The following SLC30A6 variants were observed in gnomAD, a reference collection of about 807,000 sequenced individuals.
SLC30A6 encodes solute carrier family 30 member 6.
In SLC30A6, 55 loss-of-function variants were observed where a neutral mutation model predicts 63.0. That is an observed-to-expected ratio of 0.87 (90% CI 0.70 to 1.09). SLC30A6 has a LOEUF of 1.09. Among genes scored for constraint, SLC30A6 ranks in the 50% least tolerant of loss-of-function variants. The pLI is 0.00. For missense variants in SLC30A6, 587 were observed against 549.2 expected, an observed-to-expected ratio of 1.07 and a Z score of -0.69; for synonymous variants, 224 against 186.1, an observed-to-expected ratio of 1.20 and a Z score of -1.66.
chr2:32,197,974 A>C, intron 10 of SLC30A6, 148 bp downstream of exon 10: 1 of 912,978 alleles, frequency 1.1e-6, no homozygotes. Context: ...AGGTGTCTTC[A>C]TCTGAAAAAT....
intron 5 of SLC30A6, among the ~76,000 whole-genome samples, chr2:32,184,840 A>G (rs1682663067): frequency 6.6e-6 from 1 of 152,220 alleles, no homozygotes; most frequent in Non-Finnish European, 1.5e-5. Context: ...AAATGTTCAC[A>G]TTAAGTTTTT....
Position 32,174,050 on chromosome 2 carries a change from T to C in SLC30A6, c.91-13T>C, listed in dbSNP as rs746027103. 1 of 1,607,900 alleles carries C rather than the reference T, an allele frequency of 6.2e-7. No homozygotes were observed. Among genetic ancestry groups the C allele is most frequent in the African/African-American group, 1.3e-5 (1 of 74,722 alleles). Reference sequence around the variant, plus strand: ...CACTTCTGTACACATAAGAGTGATTTTTATTTTCACAGTCCTGGAAGATAC... The same window carrying C: ...CACTTCTGTACACATAAGAGTGATTCTTATTTTCACAGTCCTGGAAGATAC... On this transcript the variant is annotated splice_polypyrimidine_tract_variant and intron_variant, in intron 2 of 13. Transcript: ENST00000282587.
At chr2:32,178,560 C>A (rs532219790) in intron 4 of SLC30A6, among the ~76,000 whole-genome samples, 59 of 152,146 alleles carry the variant, frequency 3.9e-4, no homozygotes, top group Non-Finnish European at 7.6e-4. Context: ...GTAGTCCCAG[C>A]TACTCAGGAG....
chr2:32,187,127 A>T (rs1280100762), intron 5 of SLC30A6: 1 of 469,844 alleles, frequency 2.1e-6, no homozygotes, highest in Non-Finnish European at 4.4e-6. Flanking sequence ...ACCACTGAGG[A>T]CATTGTCATT....
intron 10 of SLC30A6, among the ~76,000 whole-genome samples, chr2:32,200,817 C>G (rs1400393322): frequency 7.1e-6 from 1 of 141,678 alleles, no homozygotes; most frequent in Non-Finnish European, 1.5e-5. Flanking sequence ...GAGAAACACC[C>G]AAGAATGATC....
chr2:32,176,963 G>C (rs1573255747), intron 4 of SLC30A6, among the ~76,000 whole-genome samples: 1 of 151,926 alleles, frequency 6.6e-6, no homozygotes, highest in Non-Finnish European at 1.5e-5. Flanking sequence ...AGTGGAGACG[G>C]GGTGTCGCCA....
At chr2:32,181,938 T>C (rs990159921) in intron 4 of SLC30A6, among the ~76,000 whole-genome samples, 42 of 148,494 alleles carry the variant, frequency 2.8e-4, no homozygotes, top group East Asian at 7.8e-4. Flanking sequence ...CTTTTCTTTT[T>C]TTTTTTTTTT....
At chr2:32,210,181 T>C (rs1443008552) in intron 13 of SLC30A6, among the ~76,000 whole-genome samples, 2 of 152,148 alleles carry the variant, frequency 1.3e-5, no homozygotes, top group African/African-American at 2.4e-5. Context: ...AAACTGCTGT[T>C]GATATTTTGG....
At chr2:32,190,460 A>C (rs1289162531) in intron 5 of SLC30A6, among the ~76,000 whole-genome samples, 2 of 34,490 alleles carry the variant, frequency 5.8e-5, no homozygotes, top group East Asian at 5.2e-4. Context: ...CTCCGTCTCA[A>C]AAAAAAAAAA....
At chr2:32,171,395 A>T (rs1362114159) in intron 2 of SLC30A6, 22 bp downstream of exon 2, 3 of 1,561,832 alleles carry the variant, frequency 1.9e-6, no homozygotes, top group Non-Finnish European at 2.6e-6. Flanking sequence ...CTTAACCCCA[A>T]TTTTAATTAT....
At chr2:32,194,445 A>T (rs1158264091) in intron 8 of SLC30A6, among the ~76,000 whole-genome samples, 1 of 152,152 alleles carries the variant, frequency 6.6e-6, no homozygotes, top group Non-Finnish European at 1.5e-5. Flanking sequence ...GCCAAACTTT[A>T]TTTCTTTGGA....
At chr2:32,218,522 TTTG>T (rs1685898918) in intron 13 of SLC30A6, among the ~76,000 whole-genome samples, 1 of 13,514 alleles carries the variant, frequency 7.4e-5, no homozygotes, top group South Asian at 1.0e-3. Flanking sequence ...GCTCTCCTCT[TTTG>T]TTTTGTTTTG....
At chr2:32,213,515 T>C (rs1013320937) in intron 13 of SLC30A6, among the ~76,000 whole-genome samples, 26 of 152,140 alleles carry the variant, frequency 1.7e-4, no homozygotes, top group Admixed American at 1.6e-3. Context: ...GTCAGTCAGA[T>C]GTGCTGTTGC....
At position 32,203,697 on chromosome 2, in the gene SLC30A6, C is replaced by A. The variant is rs1684491365; in HGVS notation, c.666-893C>A. On this transcript the variant is annotated intron_variant, in intron 10 of 13. Transcript: ENST00000282587. Reference sequence around the variant, plus strand: ...TCCTGAAAGGAAATGTGCGTGTTTGCTTTGATGTTCCTACAACTAAGTCAG... The same window carrying A: ...TCCTGAAAGGAAATGTGCGTGTTTGATTTGATGTTCCTACAACTAAGTCAG... The A allele has an allele frequency of 1.9e-6, 3 of 1,539,136 alleles. No individual in the cohort carries two copies. The African/African-American group carries it at 4.1e-5, about 21-fold the overall frequency.
In SLC30A6 at chr2:32,171,304, T is replaced by A. The variant is rs1277647116; in HGVS notation, c.21T>A (p.Phe7Leu). The change falls in exon 2 of 14, where the codon TTT becomes TTA. Residue 7 changes from phenylalanine (F) to leucine (L), a missense_variant. Physicochemically the swap from Phe to Leu is conservative, Grantham distance 22. Coordinates refer to ENST00000282587, the MANE Select transcript of SLC30A6 (RefSeq NM_017964.5). ...TTTGAAAGGGGACAATTCATCTCTTTCGAAAACCACAAAGATCCTTTTTTG... is the reference window on the plus strand; with the variant it reads ...TTTGAAAGGGGACAATTCATCTCTTACGAAAACCACAAAGATCCTTTTTTG... The part of the protein sequence containing the change: MGTIHL[F>L]RKPQRSFFGK... The A allele has an allele frequency of 1.2e-6, 2 of 1,613,654 alleles. No individual in the cohort carries two copies. Among genetic ancestry groups the A allele is most frequent in the African/African-American group, 2.7e-5 (2 of 74,918 alleles).
chr2:32,174,224 C>A, intron 3 of SLC30A6, 77 bp downstream of exon 3: 1 of 1,039,002 alleles, frequency 9.6e-7, no homozygotes, highest in Non-Finnish European at 1.4e-6. Context: ...GTATATCTTA[C>A]ATAGAATATA....
At chr2:32,181,531 A>G (rs1173031028) in intron 4 of SLC30A6, among the ~76,000 whole-genome samples, 1 of 152,210 alleles carries the variant, frequency 6.6e-6, no homozygotes, top group Non-Finnish European at 1.5e-5. Context: ...AACAAATCTT[A>G]TCTATAGAGT....
chr2:32,215,754 G>GA (rs1285988018), intron 13 of SLC30A6, among the ~76,000 whole-genome samples: 2 of 151,926 alleles, frequency 1.3e-5, no homozygotes, highest in Non-Finnish European at 2.9e-5. Flanking sequence ...ACCCAGGCTA[G>GA]AGTGCAGGGG....
intron 10 of SLC30A6, chr2:32,203,862 C>A: frequency 8.5e-7 from 1 of 1,181,690 alleles, no homozygotes; most frequent in Non-Finnish European, 1.3e-6. Flanking sequence ...GCCAGTCGGG[C>A]CGATCAGGTG....
Sources: gnomAD v4.1 joint callset for allele counts (sites outside exome capture counted in the v4.1 genomes callset) on GRCh38, gnomAD v4.1.1 for gene constraint, MANE v1.5 for transcripts, NCBI Gene and HGNC (gene_info 2026-07-23, HGNC 2026-07-21) for gene names.